The following NAALADL2 variants were observed in gnomAD, a reference collection of about 807,000 sequenced individuals.
The protein encoded by NAALADL2 is inactive N-acetylated-alpha-linked acidic dipeptidase-like protein 2.
Under a neutral mutation model 87.2 loss-of-function variants are expected in NAALADL2, and 76 were observed. That is an observed-to-expected ratio of 0.87 (90% confidence interval 0.72 to 1.05). NAALADL2 has a LOEUF of 1.05. Among genes scored for constraint, NAALADL2 ranks in the 50% least tolerant of loss-of-function variants. The pLI is 0.00. For missense variants in NAALADL2, 1,089 were observed against 945.8 expected, an observed-to-expected ratio of 1.15 and a Z score of -1.99; for synonymous variants, 354 against 331.0, an observed-to-expected ratio of 1.07 and a Z score of -0.75.
rs138426680 is a variant in NAALADL2, at chr3:175,560,899, C to A, written c.1654-15142C>A. Among the ~76,000 whole-genome samples the A allele has an allele frequency of 3.3e-5, 5 of 152,246 alleles. No homozygotes were observed. In the East Asian group the frequency reaches 9.7e-4, roughly 29 times the overall value. ...CTTCCCAAAGTGCTGGGATTACAGGCGTGAACCATTGCGCCCAGCCCATAA... is the reference window on the plus strand; with the variant it reads ...CTTCCCAAAGTGCTGGGATTACAGGAGTGAACCATTGCGCCCAGCCCATAA... On this transcript the variant is annotated intron_variant, in intron 9 of 13. Transcript: ENST00000454872.
intron 5 of NAALADL2, among the ~76,000 whole-genome samples, chr3:175,381,474 T>G (rs992992286): frequency 3.9e-5 from 6 of 152,054 alleles, no homozygotes; most frequent in African/African-American, 1.4e-4. Flanking sequence ...AAATCATATT[T>G]ATTAGTAATG....
At chr3:174,987,810 A>AT (rs1491236816) in intron 1 of NAALADL2, among the ~76,000 whole-genome samples, 59 of 127,590 alleles carry the variant, frequency 4.6e-4, no homozygotes, top group East Asian at 2.0e-3. Context: ...ATATATATAT[A>AT]ATTATATATA....
chr3:175,309,450 T>A (rs1004085184), intron 4 of NAALADL2, among the ~76,000 whole-genome samples: 3 of 152,150 alleles, frequency 2.0e-5, no homozygotes, highest in African/African-American at 7.2e-5. Context: ...CCTACCAAAG[T>A]TCTGGGATTA....
intron 3 of NAALADL2, among the ~76,000 whole-genome samples, chr3:174,800,771 C>T (rs1475742629): frequency 2.0e-5 from 3 of 152,224 alleles, no homozygotes; most frequent in East Asian, 3.9e-4. Context: ...TGCAAAGCCA[C>T]AGGAGCAGAG....
At chr3:174,576,641 G>A (rs1270389408) in intron 2 of NAALADL2, among the ~76,000 whole-genome samples, 1 of 152,000 alleles carries the variant, frequency 6.6e-6, no homozygotes, top group Non-Finnish European at 1.5e-5. Flanking sequence ...GTTCTTATGT[G>A]CTTTAAATTT....
intron 2 of NAALADL2, among the ~76,000 whole-genome samples, chr3:174,591,336 A>G (rs1165779313): frequency 2.0e-5 from 3 of 152,196 alleles, no homozygotes; most frequent in Admixed American, 2.0e-4. Flanking sequence ...AGAACGGTGC[A>G]TGTTAGATAA....
At chr3:175,524,553 A>C (rs1205761991) in intron 9 of NAALADL2, among the ~76,000 whole-genome samples, 1 of 152,096 alleles carries the variant, frequency 6.6e-6, no homozygotes, top group African/African-American at 2.4e-5. Flanking sequence ...TCTCTTCCTT[A>C]TATAGTTTAT....
intron 10 of NAALADL2, among the ~76,000 whole-genome samples, chr3:175,603,370 TAC>T (rs1723221569): frequency 6.6e-6 from 1 of 152,244 alleles, no homozygotes; most frequent in African/African-American, 2.4e-5. Context: ...TGAGTTATAA[TAC>T]ATAGACTCAT....
chr3:174,893,463 G>A lies in NAALADL2; in HGVS notation c.43+34013G>A, dbSNP rs575856936. 6.6e-5 allele frequency among the ~76,000 whole-genome samples: 10 copies of A among 152,152 alleles called. No individual in the cohort carries two copies. In the East Asian group the frequency reaches 1.9e-3, roughly 29 times the overall value. On this transcript the variant is annotated intron_variant, in intron 1 of 13. Transcript: ENST00000454872. ...ATTCTAAGTAGAAAGACTAAATGAG[G>A]AACCAATCAAAAATAATAGCTACAA...
In NAALADL2 at chr3:175,806,549, G is replaced by A. The variant is rs574960714; in HGVS notation, c.*3346G>A. On this transcript the variant is annotated 3_prime_UTR_variant, in exon 14 of 14. Coordinates refer to ENST00000454872, the MANE Select transcript of NAALADL2 (RefSeq NM_207015.3). ...GAAGAGTCATAATAACAAGAAAGAC[G>A]TAAAGATTTGTTATTAATGGAATCA... The A allele has an allele frequency of 4.6e-5, 7 of 151,810 alleles. No individual in the cohort carries two copies. Among genetic ancestry groups the A allele is most frequent in the South Asian group, 2.1e-4 (1 of 4,816 alleles). 9.4% of individuals were successfully genotyped at this position (151,810 alleles called of 1,614,324 possible).
intron 1 of NAALADL2, among the ~76,000 whole-genome samples, chr3:174,492,879 G>C (rs1464906429): frequency 6.6e-6 from 1 of 152,072 alleles, no homozygotes; most frequent in Non-Finnish European, 1.5e-5. Context: ...TTGTGCCCAG[G>C]GCAAATTCAA....
chr3:174,906,304 A>C (rs1258790797), intron 1 of NAALADL2, among the ~76,000 whole-genome samples: 1 of 152,048 alleles, frequency 6.6e-6, no homozygotes, highest in Non-Finnish European at 1.5e-5. Flanking sequence ...GCAACCTCTA[A>C]TATCCCTGCT....
intron 4 of NAALADL2, among the ~76,000 whole-genome samples, chr3:175,265,813 A>G (rs2109952546): frequency 6.6e-6 from 1 of 151,696 alleles, no homozygotes; most frequent in East Asian, 1.9e-4. Flanking sequence ...ATACAAACAG[A>G]AAATATTTTC....
chr3:175,343,676 T>TTTTG (rs1762830773), intron 5 of NAALADL2, among the ~76,000 whole-genome samples: 3 of 144,926 alleles, frequency 2.1e-5, no homozygotes, highest in African/African-American at 7.6e-5. Context: ...TTTTTTTTTT[T>TTTTG]CCCTTCCCAC....
chr3:174,467,187 T>G (rs1716587803), intron 1 of NAALADL2, among the ~76,000 whole-genome samples: 1 of 152,196 alleles, frequency 6.6e-6, no homozygotes, highest in Non-Finnish European at 1.5e-5. Context: ...TTATGAAAAT[T>G]ACTCTCATAT....
intron 1 of NAALADL2, among the ~76,000 whole-genome samples, chr3:174,540,203 T>C (rs1722097254): frequency 1.3e-5 from 2 of 152,178 alleles, no homozygotes; most frequent in South Asian, 4.2e-4. Context: ...AAAAAGCAGA[T>C]GAGGCCAGGT....
At chr3:174,859,568 G>A in intron 1 of NAALADL2, 118 bp downstream of exon 1, 1 of 761,550 alleles carries the variant, frequency 1.3e-6, no homozygotes, top group Non-Finnish European at 2.2e-6. Flanking sequence ...TGCATGTTCA[G>A]GTGCCCTGGC....
At chr3:174,833,091 C>G (rs1722920135) in intron 3 of NAALADL2, among the ~76,000 whole-genome samples, 1 of 151,960 alleles carries the variant, frequency 6.6e-6, no homozygotes, top group Non-Finnish European at 1.5e-5. Flanking sequence ...TAAATACTGT[C>G]TATTTAATTT....
At chr3:174,817,677 TA>T (rs1273834757) in intron 3 of NAALADL2, among the ~76,000 whole-genome samples, 5 of 152,154 alleles carry the variant, frequency 3.3e-5, no homozygotes, top group South Asian at 2.1e-4. Context: ...GTAATAACAT[TA>T]AAAACAAATG....
Sources: allele counts gnomAD v4.1 joint callset (sites outside exome capture counted in the v4.1 genomes callset), GRCh38; gene constraint gnomAD v4.1.1; transcripts MANE v1.5; gene names NCBI Gene and HGNC (gene_info 2026-07-23, HGNC 2026-07-21).